Variants in LYRM4 observed in about 807,000 individuals in gnomAD.
LYRM4 encodes the protein LYR motif-containing protein 4.
LYRM4 carries 9 observed loss-of-function variants against 11.7 expected under a neutral mutation model. The ratio of observed to expected loss-of-function variants is 0.77; its 90% CI spans 0.46 to 1.34. The LOEUF is 1.34. Among genes scored for constraint, LYRM4 ranks in the 40% most tolerant of loss-of-function variants. LYRM4 has a pLI of 0.00. For synonymous variants in LYRM4, 42 were observed against 40.4 expected (o/e 1.04, Z -0.15); for missense variants, 133 against 112.5 (o/e 1.18, Z -0.82).
chr6:5,061,267 T>C, the LYRM4 span, among the ~76,000 whole-genome samples: 1 of 152,368 alleles, frequency 6.6e-6, no homozygotes, highest in Admixed American at 6.5e-5. Flanking sequence ...AAACCTGATT[T>C]ACTAGAAGTT....
chr6:5,172,339 A>T (rs1295175790), intron 2 of LYRM4, among the ~76,000 whole-genome samples: 2 of 152,142 alleles, frequency 1.3e-5, no homozygotes, highest in African/African-American at 2.4e-5. Context: ...CAAAAAAAGG[A>T]GCTGAGGAGG....
chr6:5,191,688 G>A (rs1760764136), intron 2 of LYRM4, among the ~76,000 whole-genome samples: 1 of 152,176 alleles, frequency 6.6e-6, no homozygotes, highest in Non-Finnish European at 1.5e-5. Context: ...TTCAGGCAAG[G>A]CACATTAATG....
At chr6:5,099,030 C>G (rs1215430566), downstream of LYRM4, among the ~76,000 whole-genome samples, 2 of 152,106 alleles carry the variant, frequency 1.3e-5, no homozygotes, top group Non-Finnish European at 2.9e-5. The surrounding 1 kb of genome is among the most constrained non-coding windows in gnomAD (Gnocchi z 4.3). Context: ...CAGCCATTGT[C>G]CACACTGACT....
chr6:5,180,190 T>C (rs1581447794), intron 2 of LYRM4, among the ~76,000 whole-genome samples: 1 of 152,206 alleles, frequency 6.6e-6, no homozygotes, highest in Non-Finnish European at 1.5e-5. Context: ...CTACAGAACC[T>C]GTGGATTCTT....
chr6:5,167,149 CG>C (rs1338844849), intron 2 of LYRM4, among the ~76,000 whole-genome samples: 22 of 152,044 alleles, frequency 1.4e-4, no homozygotes. Flanking sequence ...ACCTTTTTCC[CG>C]TAAGTTCAAA....
the LYRM4 span, among the ~76,000 whole-genome samples, chr6:5,098,570 A>G: frequency 2.6e-5 from 4 of 152,354 alleles, no homozygotes; most frequent in Non-Finnish European, 5.9e-5. Context: ...GTGTGTACAC[A>G]CGAGCACCAG....
intron 2 of LYRM4, among the ~76,000 whole-genome samples, chr6:5,159,999 A>G (rs1758654990): frequency 1.3e-5 from 2 of 152,068 alleles, no homozygotes; most frequent in Non-Finnish European, 2.9e-5. Flanking sequence ...TCTCTTTTTA[A>G]AACTTCAGCT....
At chr6:5,100,171 A>C (rs901207820), downstream of LYRM4, among the ~76,000 whole-genome samples, 3 of 152,102 alleles carry the variant, frequency 2.0e-5, no homozygotes, top group African/African-American at 7.2e-5. Flanking sequence ...ATTTCAATAA[A>C]ACCCAGCATG....
the LYRM4 span, among the ~76,000 whole-genome samples, chr6:5,064,777 A>C: frequency 5.3e-5 from 8 of 152,180 alleles, no homozygotes; most frequent in Non-Finnish European, 1.5e-5. Context: ...ATTCATGTAC[A>C]CAAAGTGTAG....
chr6:5,039,404 A>G, the LYRM4 span, among the ~76,000 whole-genome samples: 1 of 152,332 alleles, frequency 6.6e-6, no homozygotes, highest in South Asian at 2.1e-4. Context: ...TATGTGTTCA[A>G]TCAACCTGTT....
chr6:5,130,546 C>T (rs530741561), intron 2 of LYRM4, among the ~76,000 whole-genome samples: 16 of 152,258 alleles, frequency 1.1e-4, no homozygotes, highest in Middle Eastern at 3.4e-3. Flanking sequence ...CCCAGTGAGA[C>T]GACAAAGAAA....
chr6:5,229,499 G>C (rs1763105104), intron 1 of LYRM4, among the ~76,000 whole-genome samples: 1 of 150,470 alleles, frequency 6.6e-6, no homozygotes, highest in South Asian at 2.1e-4. Flanking sequence ...ACTCTCTCCA[G>C]GGCTCAGTGG....
intron 2 of LYRM4, among the ~76,000 whole-genome samples, chr6:5,188,763 T>G (rs557109969): frequency 2.6e-5 from 4 of 152,242 alleles, no homozygotes; most frequent in Admixed American, 6.5e-5. Flanking sequence ...TGACCTACTA[T>G]TATGATGATA....
At chr6:5,205,530 A>C (rs1384857920) in intron 2 of LYRM4, among the ~76,000 whole-genome samples, 2 of 150,408 alleles carry the variant, frequency 1.3e-5, no homozygotes, top group African/African-American at 5.0e-5. Context: ...AGTATGGTCA[A>C]TGTCTTATAA....
the LYRM4 span, among the ~76,000 whole-genome samples, chr6:5,044,151 G>A: frequency 4.0e-5 from 6 of 151,692 alleles, no homozygotes; most frequent in East Asian, 9.7e-4. Flanking sequence ...TTTGTGAGAC[G>A]GAGTTTCACT....
At chr6:5,174,272 AT>A (rs1456138987) in intron 2 of LYRM4, among the ~76,000 whole-genome samples, 1 of 152,208 alleles carries the variant, frequency 6.6e-6, no homozygotes. Context: ...GTATCAAAAA[AT>A]TCATTAAAAT....
At chr6:5,037,648 CCA>C in the LYRM4 span, among the ~76,000 whole-genome samples, 3 of 55,586 alleles carry the variant, frequency 5.4e-5, no homozygotes, top group African/African-American at 1.4e-4. Flanking sequence ...GCTGATCCCC[CCA>C]CCTCCCTCCC....
chr6:5,230,676 C>T (rs952411860), intron 1 of LYRM4, among the ~76,000 whole-genome samples: 3 of 152,112 alleles, frequency 2.0e-5, no homozygotes, highest in African/African-American at 4.8e-5. Flanking sequence ...AAAGCACAAA[C>T]GATGAAAATT....
chr6:5,086,227 G>A, the LYRM4 span: 1 of 1,535,494 alleles, frequency 6.5e-7, no homozygotes, highest in Middle Eastern at 1.7e-4. Flanking sequence ...GCCCAGGGCC[G>A]TGACCGTGCG....
Sources: gnomAD v4.1 joint callset for allele counts (sites outside exome capture counted in the v4.1 genomes callset) on GRCh38, gnomAD v4.1.1 for gene constraint, Gnocchi (gnomAD v3.1) non-coding constraint, MANE v1.5 for transcripts, NCBI Gene and HGNC (gene_info 2026-07-23, HGNC 2026-07-21) for gene names.